TRPC6: variants seen among roughly 807,000 people sequenced by gnomAD.
TRPC6 encodes the protein short transient receptor potential channel 6.
Under a neutral mutation model 90.7 loss-of-function variants are expected in TRPC6, and 55 were observed. The ratio of observed to expected loss-of-function variants is 0.61; its 90% CI spans 0.49 to 0.76. The LOEUF (loss-of-function observed/expected upper bound fraction) is 0.76, where lower values mean the gene tolerates loss of function less well. TRPC6 is among the 30% of genes least tolerant of loss of function. The probability of loss-of-function intolerance (pLI) is 0.00; values close to 1 mark genes in which losing one functional copy is unlikely to be tolerated. For synonymous variants in TRPC6, 393 were observed against 393.0 expected (o/e 1.00, Z 0.00); for missense variants, 989 against 1,122.7 (o/e 0.88, Z 1.70).
chr11:101,533,046 T>G (rs1254843605), intron 1 of TRPC6, among the ~76,000 whole-genome samples: 1 of 150,362 alleles, frequency 6.7e-6, no homozygotes, highest in Non-Finnish European at 1.5e-5. Flanking sequence ...AAGGTCAGGG[T>G]GGAGGAAGCA....
intron 1 of TRPC6, among the ~76,000 whole-genome samples, chr11:101,534,173 T>C (rs1474629707): frequency 2.0e-5 from 3 of 152,180 alleles, no homozygotes; most frequent in African/African-American, 7.2e-5. Flanking sequence ...TCTTGCTCTG[T>C]TGCCCAGGCT....
At chr11:101,523,527 T>A (rs1860707811) in intron 1 of TRPC6, among the ~76,000 whole-genome samples, 1 of 152,206 alleles carries the variant, frequency 6.6e-6, no homozygotes, top group Admixed American at 6.5e-5. Context: ...AAATCAATAA[T>A]AGCAGAAATA....
At chr11:101,502,075 G>A (rs7933359) in intron 2 of TRPC6, among the ~76,000 whole-genome samples, 69,473 of 151,676 alleles carry the variant, frequency 0.46, 16,235 homozygotes, top group African/African-American at 0.55. Flanking sequence ...ACAAATGGGC[G>A]GAAAGTGGCT....
chr11:101,494,425 C>T (rs755084294), intron 2 of TRPC6, among the ~76,000 whole-genome samples: 7 of 151,918 alleles, frequency 4.6e-5, no homozygotes, highest in Non-Finnish European at 5.9e-5. Context: ...AGCAAGCATT[C>T]GATAAATTGT....
chr11:101,504,175 T>C lies in TRPC6; in HGVS notation c.794A>G (p.Asp265Gly). The C allele has an allele frequency of 6.2e-7, 1 of 1,613,824 alleles. No individual in the cohort carries two copies. The highest frequency in any genetic ancestry group is 1.3e-5 in the African/African-American group (1 of 74,922). Residue 265 changes from aspartate (D) to glycine (G), a missense_variant, in exon 2 of 13, where the codon GAC becomes GGC. By Grantham distance (94) the Asp-to-Gly change is moderately conservative. Around this residue, in one of 4 missense-constraint regions of TRPC6, gnomAD observed 486 missense variants for 591.9 expected, o/e 0.82. Transcript: ENST00000344327. ...CCTAGATCTGGAGTGGCTAAACGAG[T>C]CATGCTTCTGTTTCTGGTTGCAGTC... ...CNDCNQKQKH[D>G]SFSHSRSRIN... is the part of the protein sequence containing the mutation.
intron 2 of TRPC6, among the ~76,000 whole-genome samples, chr11:101,495,138 C>T (rs970193115): frequency 6.6e-6 from 1 of 152,202 alleles, no homozygotes; most frequent in African/African-American, 2.4e-5. Context: ...AATATGGGTG[C>T]TTGCCTATTA....
chr11:101,463,426 A>G (rs1026778378), intron 10 of TRPC6, among the ~76,000 whole-genome samples: 3 of 152,142 alleles, frequency 2.0e-5, no homozygotes, highest in Admixed American at 6.5e-5. Flanking sequence ...CTGGCTATGA[A>G]TCTATCTGGT....
rs1241043006 is a variant in TRPC6, at chr11:101,476,409, T to C, written c.1636A>G (p.Met546Val). ...GCTTTGGAAGCATGCCAAAATGCCA[T>C]GAATCTCGCAATGAATGATGCTGCG... ...IFAASFIARF[M>V]AFWHASKAQS... The change falls in exon 6 of 13, where the codon ATG becomes GTG. Residue 546 changes from methionine (M) to valine (V), a missense_variant. Around this residue, in one of 4 missense-constraint regions of TRPC6, gnomAD observed 486 missense variants for 591.9 expected, o/e 0.82. Transcript: ENST00000344327. 6.2e-7 allele frequency: 1 copy of C among 1,614,140 alleles called. No individual in the cohort carries two copies. The highest frequency in any genetic ancestry group is 1.1e-5 in the South Asian group (1 of 91,086).
intron 1 of TRPC6, among the ~76,000 whole-genome samples, chr11:101,505,611 G>C (rs1860243778): frequency 6.6e-6 from 1 of 152,140 alleles, no homozygotes. Context: ...AATCACTGCA[G>C]ACTGGAGAAA....
intron 1 of TRPC6, among the ~76,000 whole-genome samples, chr11:101,546,103 C>T (rs1192874244): frequency 8.0e-5 from 4 of 50,052 alleles, no homozygotes; most frequent in South Asian, 5.1e-4. Flanking sequence ...CTCGCTCTGT[C>T]GCCCAGGCCG....
chr11:101,562,771 C>A (rs1292394127), intron 1 of TRPC6, among the ~76,000 whole-genome samples: 1 of 152,160 alleles, frequency 6.6e-6, no homozygotes, highest in Non-Finnish European at 1.5e-5. Context: ...AATATAAACT[C>A]TGGATCCAGA....
intron 5 of TRPC6, among the ~76,000 whole-genome samples, chr11:101,476,988 TTTGA>T (rs1050081418): frequency 6.6e-6 from 1 of 152,072 alleles, no homozygotes; most frequent in Non-Finnish European, 1.5e-5. Flanking sequence ...ACTACAGGAA[TTTGA>T]TTGATCACAG....
intron 1 of TRPC6, among the ~76,000 whole-genome samples, chr11:101,534,596 C>A (rs1224802237): frequency 1.3e-5 from 2 of 150,912 alleles, no homozygotes; most frequent in African/African-American, 2.4e-5. Flanking sequence ...AAAAAAAAAC[C>A]CAGGTCACTA....
rs79163741 is a variant in TRPC6 at position 101,499,041 on chromosome 11, G to T, written c.945+4983C>A. ...CAGTGCAGGGTGGAGACAGAAACAA[G>T]GGCCATTTTTTATGACTTTGCCTCT... On this transcript the variant is annotated intron_variant, in intron 2 of 12. Transcript: ENST00000344327. Among the ~76,000 whole-genome samples, 751 of 152,212 alleles carry T rather than the reference G, an allele frequency of 4.9e-3. 10 individuals are homozygous for T. The highest frequency in any genetic ancestry group is 0.017 in the African/African-American group (715 of 41,532).
chr11:101,459,647 A>G (rs1270165082), intron 10 of TRPC6, among the ~76,000 whole-genome samples: 2 of 152,200 alleles, frequency 1.3e-5, no homozygotes, highest in Non-Finnish European at 2.9e-5. Flanking sequence ...TTCATTTGAT[A>G]GATACCATAT....
At chr11:101,582,424 CA>C (rs1687410509) in intron 1 of TRPC6, among the ~76,000 whole-genome samples, 2 of 152,238 alleles carry the variant, frequency 1.3e-5, no homozygotes, top group African/African-American at 4.8e-5. Flanking sequence ...CTTGACTACC[CA>C]ATCACCCAAA....
intron 1 of TRPC6, among the ~76,000 whole-genome samples, chr11:101,545,963 T>C (rs1458678413): frequency 1.3e-5 from 2 of 149,396 alleles, no homozygotes; most frequent in African/African-American, 2.5e-5. Flanking sequence ...GTTCTGTGAA[T>C]AGGGCTATAA....
chr11:101,504,580 TCCACACAGTTAA>T lies in TRPC6; in HGVS notation c.377_388del (p.Val126_Val129del), dbSNP rs750770118. The T allele has an allele frequency of 6.8e-6, 11 of 1,614,148 alleles. No homozygotes were observed. The highest frequency in any genetic ancestry group is 9.3e-6 in the Non-Finnish European group (11 of 1,180,004). ...CTGTAGGGCATTCTGGCCCATGTAA[TCCACACAGTTAA>T]CGTTGAGTGAGTGGCATTCTTCTAA... On this transcript the variant is annotated inframe_deletion, in exon 2 of 13. Coordinates refer to ENST00000344327, the MANE Select transcript of TRPC6 (RefSeq NM_004621.6).
chr11:101,540,940 T>C (rs1861154494), intron 1 of TRPC6, among the ~76,000 whole-genome samples: 1 of 152,230 alleles, frequency 6.6e-6, no homozygotes, highest in Admixed American at 6.5e-5. Flanking sequence ...CCTTTACATA[T>C]GTAAACTTTT....
Sources: gnomAD v4.1 joint callset for allele counts (sites outside exome capture counted in the v4.1 genomes callset) on GRCh38, gnomAD v4.1.1 for gene constraint, gnomAD v4.1.1 regional missense constraint, MANE v1.5 for transcripts, NCBI Gene and HGNC (gene_info 2026-07-23, HGNC 2026-07-21) for gene names.